Variants in KIF4A observed in about 807,000 individuals in gnomAD.
KIF4A encodes the protein kinesin family member 4A, also known as chromosome-associated kinesin KIF4A.
KIF4A carries 7 observed loss-of-function variants against 105.9 expected under a neutral mutation model. The observed-to-expected ratio is 0.07, with a 90% CI of 0.04 to 0.12. The LOEUF (loss-of-function observed/expected upper bound fraction) is 0.12, where lower values mean the gene tolerates loss of function less well. Among genes scored for constraint, KIF4A ranks in the 10% least tolerant of loss-of-function variants. The pLI, the probability that KIF4A is intolerant of heterozygous loss-of-function variation, is 1.00. For missense variants in KIF4A, 558 were observed against 929.2 expected, an observed-to-expected ratio of 0.60 and a Z score of 5.19; for synonymous variants, 281 against 331.3, an observed-to-expected ratio of 0.85 and a Z score of 1.65.
intron 17 of KIF4A, among the ~76,000 whole-genome samples, chrX:70,375,728 A>C (rs952326457): frequency 1.8e-5 from 2 of 112,091 alleles, no homozygotes; most frequent in Non-Finnish European, 3.8e-5. Flanking sequence ...TTGTGGCACC[A>C]ACAAAGTGGT....
intron 3 of KIF4A, among the ~76,000 whole-genome samples, chrX:70,293,877 T>C (rs1433689855): frequency 8.9e-6 from 1 of 112,362 alleles, no homozygotes; most frequent in Non-Finnish European, 1.9e-5. Flanking sequence ...TATTGTATAC[T>C]ACTGTAGACT....
At chrX:70,413,018 G>A (rs1394714233) in intron 28 of KIF4A, among the ~76,000 whole-genome samples, 1 of 111,957 alleles carries the variant, frequency 8.9e-6, no homozygotes, top group African/African-American at 3.2e-5. Flanking sequence ...CGTATCAGTA[G>A]CCTTTAAAAT....
intron 28 of KIF4A, among the ~76,000 whole-genome samples, chrX:70,416,081 G>T (rs2086342963): frequency 1.8e-5 from 2 of 109,206 alleles, no homozygotes; most frequent in South Asian, 7.9e-4. Context: ...TGGTCAGGCT[G>T]GTCTTGAACT....
chrX:70,315,607 T>G lies in KIF4A; in HGVS notation c.778+13209T>G, dbSNP rs371687728. ...TCTGCTCTCTGGGACTGAAGTCTAATGCTGGAGTATCTGAAGTCATAGCAG... is the reference window on the plus strand; with the variant it reads ...TCTGCTCTCTGGGACTGAAGTCTAAGGCTGGAGTATCTGAAGTCATAGCAG... On this transcript the variant is annotated intron_variant, in intron 7 of 30. Transcript: ENST00000374403. Among the ~76,000 whole-genome samples, 3 of 111,825 alleles carry G rather than the reference T, an allele frequency of 2.7e-5. No individual in the cohort carries two copies. In the South Asian group the frequency reaches 1.1e-3, roughly 42 times the overall value.
At chrX:70,294,230 C>T (rs940956021) in intron 3 of KIF4A, among the ~76,000 whole-genome samples, 17 of 112,270 alleles carry the variant, frequency 1.5e-4, no homozygotes, top group African/African-American at 5.5e-4. Flanking sequence ...TCCACCTCCA[C>T]GTCTTGTCCT....
At chrX:70,359,847 G>A (rs1259276761) in intron 15 of KIF4A, among the ~76,000 whole-genome samples, 1 of 111,525 alleles carries the variant, frequency 9.0e-6, no homozygotes, top group Non-Finnish European at 1.9e-5. Context: ...TTGGGCAGAA[G>A]CACTGGGATT....
At chrX:70,322,903 C>A (rs2085897135) in intron 7 of KIF4A, among the ~76,000 whole-genome samples, 1 of 109,639 alleles carries the variant, frequency 9.1e-6, no homozygotes, top group Non-Finnish European at 1.9e-5. Flanking sequence ...CCCTTTCAAG[C>A]CATTAACCAA....
intron 7 of KIF4A, among the ~76,000 whole-genome samples, chrX:70,314,724 G>A (rs906605202): frequency 2.7e-5 from 3 of 111,097 alleles, no homozygotes; most frequent in Non-Finnish European, 5.7e-5. Context: ...AAATATGAGC[G>A]AGGGGCACTC....
chrX:70,370,507 A>G (rs188786681), intron 15 of KIF4A, among the ~76,000 whole-genome samples: 2 of 108,590 alleles, frequency 1.8e-5, no homozygotes, highest in African/African-American at 6.6e-5. Flanking sequence ...TACTATATAT[A>G]GAATATATGT....
intron 28 of KIF4A, among the ~76,000 whole-genome samples, chrX:70,415,644 C>T (rs951893083): frequency 9.4e-6 from 1 of 106,131 alleles, no homozygotes; most frequent in Non-Finnish European, 1.9e-5. Flanking sequence ...AAGAGACATA[C>T]ATAGGAATGA....
intron 18 of KIF4A, among the ~76,000 whole-genome samples, chrX:70,383,152 A>G (rs1301404708): frequency 9.5e-6 from 1 of 104,871 alleles, no homozygotes; most frequent in African/African-American, 3.5e-5. Flanking sequence ...GTGCCATTGC[A>G]CTCCAGCCTG....
intron 18 of KIF4A, among the ~76,000 whole-genome samples, chrX:70,377,739 C>T (rs752943979): frequency 8.9e-6 from 1 of 112,177 alleles, no homozygotes; most frequent in Non-Finnish European, 1.9e-5. Flanking sequence ...AGTTCAAGAC[C>T]AGTCTGGCCA....
intron 13 of KIF4A, 42 bp downstream of exon 13, chrX:70,344,024 A>G: frequency 1.0e-6 from 1 of 976,681 alleles, no homozygotes; most frequent in Non-Finnish European, 1.5e-6. Context: ...TATCACTTTC[A>G]TTTGTTTCTC....
At chrX:70,363,279 A>T (rs1333494117) in intron 15 of KIF4A, among the ~76,000 whole-genome samples, 1 of 110,640 alleles carries the variant, frequency 9.0e-6, no homozygotes, top group African/African-American at 3.3e-5. Context: ...GTTTTAGGGT[A>T]CAGGTGCACA....
intron 7 of KIF4A, among the ~76,000 whole-genome samples, chrX:70,305,999 C>T (rs1166113809): frequency 3.6e-5 from 4 of 111,960 alleles, no homozygotes; most frequent in Non-Finnish European, 7.5e-5. Flanking sequence ...TGTTGAACAT[C>T]ATTTCATGTT....
intron 7 of KIF4A, among the ~76,000 whole-genome samples, chrX:70,326,257 G>A (rs1602749809): frequency 8.9e-6 from 1 of 111,841 alleles, no homozygotes; most frequent in Non-Finnish European, 1.9e-5. Context: ...AATTGTTTAC[G>A]GGGAAGGAGG....
chrX:70,296,419 A>G (rs919191939), intron 3 of KIF4A, among the ~76,000 whole-genome samples: 6 of 111,857 alleles, frequency 5.4e-5, no homozygotes, highest in Non-Finnish European at 9.4e-5. Flanking sequence ...TTCTCAATAA[A>G]AGCAAAGGCA....
chrX:70,402,478 A>C (rs1452890148), intron 22 of KIF4A, 88 bp from the exon 23 acceptor site: 2 of 1,032,671 alleles, frequency 1.9e-6, no homozygotes, highest in Non-Finnish European at 2.6e-6. Flanking sequence ...TCCATCCATA[A>C]AATTATTTGA....
chrX:70,324,684 A>C (rs750114935), intron 7 of KIF4A, among the ~76,000 whole-genome samples: 1 of 110,959 alleles, frequency 9.0e-6, no homozygotes, highest in Non-Finnish European at 1.9e-5. Context: ...GCATTCTAGT[A>C]AATAAAATCA....
Sources: allele counts gnomAD v4.1 joint callset (sites outside exome capture counted in the v4.1 genomes callset), GRCh38; gene constraint gnomAD v4.1.1; transcripts MANE v1.5; gene names NCBI Gene and HGNC (gene_info 2026-07-23, HGNC 2026-07-21).